Variants in GSX2 observed in about 807,000 individuals in gnomAD.
The protein encoded by GSX2 is GS homeobox 2, also known as genetic-screened homeobox 2.
Under a neutral mutation model 19.2 loss-of-function variants are expected in GSX2, and 16 were observed. That is an observed-to-expected ratio of 0.84 (90% CI 0.57 to 1.27). GSX2 has a LOEUF of 1.27. Ranked by LOEUF, GSX2 falls within the 50% of genes most tolerant of loss-of-function variation. The probability of loss-of-function intolerance (pLI) is 0.00; values close to 1 mark genes in which losing one functional copy is unlikely to be tolerated. For missense variants in GSX2, 448 were observed against 428.4 expected (o/e 1.05, Z -0.40); for synonymous variants, 217 against 196.4 (o/e 1.10, Z -0.88).
chr4:54,101,529 G>A lies in GSX2; in HGVS notation c.575-53G>A. On this transcript the variant is annotated intron_variant, in intron 1 of 1. Coordinates refer to ENST00000326902, the MANE Select transcript of GSX2 (RefSeq NM_133267.3). This position sits in a 1 kb window ranked among gnomAD's most constrained non-coding sequence, Gnocchi z 5.0. ...ATGCGTCCTGGTTAGCACATGGGGT[G>A]GGAGCACCTTGCCCGAGCCTTACCT... 1 of 1,261,304 alleles carries A rather than the reference G, an allele frequency of 7.9e-7. No homozygotes were observed. The highest frequency in any genetic ancestry group is 1.8e-5 in the Admixed American group (1 of 54,694). The allele number at this position is 1,261,304 out of a possible 1,614,324, so 78.1% of individuals were successfully genotyped here. A position where few individuals can be genotyped will look rare whatever the true frequency, so the allele number is the denominator to read the frequency against.
In GSX2 at chr4:54,102,168, T is replaced by C; in HGVS notation, c.*246T>C. ...AAATGTAAATAACCTATAATTCAACTCATTCTTGTCGTATAACAGAGGAAA... is the reference window on the plus strand; with the variant it reads ...AAATGTAAATAACCTATAATTCAACCCATTCTTGTCGTATAACAGAGGAAA... On this transcript the variant is annotated 3_prime_UTR_variant, in exon 2 of 2. Coordinates refer to ENST00000326902, the MANE Select transcript of GSX2 (RefSeq NM_133267.3). The C allele has an allele frequency of 2.0e-6, 1 of 499,376 alleles. No homozygotes were observed. The allele number at this position is 499,376 out of a possible 1,614,324, so 30.9% of individuals were successfully genotyped here.
rs762853621 is a variant in GSX2 at position 54,101,842 on chromosome 4, G to A, written c.835G>A (p.Val279Met). ...GGGCTGCAAGTGCGTCGGGAGCCAGGTGCACTACGCGCGCTCCGAGGATGA... is the reference window on the plus strand; with the variant it reads ...GGGCTGCAAGTGCGTCGGGAGCCAGATGCACTACGCGCGCTCCGAGGATGA... ...HAGCKCVGSQ[V>M]HYARSEDEDS... Residue 279 changes from valine to methionine, a missense_variant, in exon 2 of 2, where the codon GTG becomes ATG. Val to Met is a conservative substitution (Grantham distance 21). Transcript: ENST00000326902. This position sits in a 1 kb window ranked among gnomAD's most constrained non-coding sequence, Gnocchi z 5.0. The A allele has an allele frequency of 1.2e-6, 2 of 1,614,166 alleles. No individual in the cohort carries two copies. The highest frequency in any genetic ancestry group is 1.3e-5 in the African/African-American group (1 of 75,040).
At position 54,100,646 on chromosome 4, in the gene GSX2, C is replaced by A; in HGVS notation, c.302C>A (p.Ala101Glu). 4 of 1,548,104 alleles carry A rather than the reference C, an allele frequency of 2.6e-6. No individual in the cohort carries two copies. In the African/African-American group the frequency reaches 5.5e-5, roughly 21 times the overall value. Residue 101 changes from alanine to glutamate, a missense_variant, in exon 1 of 2, where the codon GCA (alanine) becomes GAA (glutamate). Ala to Glu is a moderately radical substitution (Grantham distance 107). Coordinates refer to ENST00000326902, the MANE Select transcript of GSX2 (RefSeq NM_133267.3). ...AGTGGGGTGGCAGGGGCCGCAGGGG[C>A]ACTGCCTCTGCTTAAGGGCCAGTTC... ...GGSGVAGAAG[A>E]LPLLKGQFSS...
At position 54,100,421 on chromosome 4, in the gene GSX2, AC is replaced by A; in HGVS notation, c.81del (p.Pro29ArgfsTer14). On this transcript the variant is annotated frameshift_variant, in exon 1 of 2. Coordinates refer to ENST00000326902, the MANE Select transcript of GSX2 (RefSeq NM_133267.3). LOFTEE classifies it high-confidence loss of function. ...SRPAPSLPEP[H>X]PGPDFFIPLG... ...CCTGCGCCCTCGCTGCCTGAACCGC[AC>A]CCCGGGCCGGATTTCTTCATCCCGC... 1 of 1,613,278 alleles carries A rather than the reference AC, an allele frequency of 6.2e-7. No individual in the cohort carries two copies. The highest frequency in any genetic ancestry group is 8.5e-7 in the Non-Finnish European group (1 of 1,179,806).
chr4:54,100,341 C>T lies in GSX2; in HGVS notation c.-4C>T, dbSNP rs1424110261. The T allele has an allele frequency of 6.2e-7, 1 of 1,612,924 alleles. No individual in the cohort carries two copies. The highest frequency in any genetic ancestry group is 1.3e-5 in the African/African-American group (1 of 75,056). Reference sequence around the variant, plus strand: ...GGGGCTTCCAGCCACCCACCCCTCTCGACATGTCGCGCTCCTTCTATGTCG... The same window carrying T: ...GGGGCTTCCAGCCACCCACCCCTCTTGACATGTCGCGCTCCTTCTATGTCG... On this transcript the variant is annotated 5_prime_UTR_variant, in exon 1 of 2. Coordinates refer to ENST00000326902, the MANE Select transcript of GSX2 (RefSeq NM_133267.3).
In GSX2 at chr4:54,101,652, G is replaced by A; in HGVS notation, c.645G>A (p.Leu215=). 1 of 1,614,138 alleles carries A rather than the reference G, an allele frequency of 6.2e-7. No individual in the cohort carries two copies. Among genetic ancestry groups the A allele is most frequent in the Non-Finnish European group, 8.5e-7 (1 of 1,179,984 alleles). The stretch of plus-strand genomic sequence containing the variant: ...CGGCGTTCACTAGCACGCAACTCCT[G>A]GAGCTGGAGAGAGAATTCTCTTCCA... ...MRTAFTSTQL[L]ELEREFSSNM... Residue 215 remains leucine (L), a synonymous_variant, in exon 2 of 2, where the codon CTG becomes CTA. Transcript: ENST00000326902. The surrounding 1 kb of genome is among the most constrained non-coding windows in gnomAD (Gnocchi z 5.0).
In GSX2 at chr4:54,101,066, G is replaced by T. The variant is rs1218303228; in HGVS notation, c.574+148G>T. On this transcript the variant is annotated intron_variant, in intron 1 of 1. Coordinates refer to ENST00000326902, the MANE Select transcript of GSX2 (RefSeq NM_133267.3). The surrounding 1 kb of genome is among the most constrained non-coding windows in gnomAD (Gnocchi z 5.0). Reference sequence around the variant, plus strand: ...TGTAACCGTAGAGTCAGCCACAGAAGTTCCACGAAAGTGGAAGTTAGTTTG... The same window carrying T: ...TGTAACCGTAGAGTCAGCCACAGAATTTCCACGAAAGTGGAAGTTAGTTTG... The T allele has an allele frequency of 4.2e-6, 3 of 717,976 alleles. No individual in the cohort carries two copies. The Admixed American group carries it at 1.1e-4, about 26-fold the overall frequency. The allele number at this position is 717,976 out of a possible 1,614,324, so 44.5% of individuals were successfully genotyped here.
Position 54,100,251 on chromosome 4 carries a change from C to A in GSX2, c.-94C>A, listed in dbSNP as rs1183431542. 1.9e-5 allele frequency: 29 copies of A among 1,542,354 alleles called. No individual in the cohort carries two copies. Among genetic ancestry groups the A allele is most frequent in the Non-Finnish European group, 2.4e-5 (27 of 1,148,172 alleles). Reference sequence around the variant, plus strand: ...CTGCGTCCCCAAGGGCTTGACTGCCCGTGTCTGCGCGGCTCCCAGGGCAGA... The same window carrying A: ...CTGCGTCCCCAAGGGCTTGACTGCCAGTGTCTGCGCGGCTCCCAGGGCAGA... On this transcript the variant is annotated 5_prime_UTR_variant, in exon 1 of 2. Transcript: ENST00000326902.
At position 54,102,210 on chromosome 4, in the gene GSX2, G is replaced by T; in HGVS notation, c.*288G>T. 1 of 374,144 alleles carries T rather than the reference G, an allele frequency of 2.7e-6. No homozygotes were observed. 23.2% of individuals were successfully genotyped at this position (374,144 alleles called of 1,614,324 possible). On this transcript the variant is annotated 3_prime_UTR_variant, in exon 2 of 2. Coordinates refer to ENST00000326902, the MANE Select transcript of GSX2 (RefSeq NM_133267.3). The stretch of plus-strand genomic sequence containing the variant: ...CAGAGGAAAAACAGGGTTGGTTTAA[G>T]TTTAACACTGTATGGGGTTTTTGAA...
At position 54,100,825 on chromosome 4, in the gene GSX2, G is replaced by A. The variant is rs1462626534; in HGVS notation, c.481G>A (p.Ala161Thr). 2 of 1,454,812 alleles carry A rather than the reference G, an allele frequency of 1.4e-6. No homozygotes were observed. The highest frequency in any genetic ancestry group is 1.5e-5 in the African/African-American group (1 of 66,524). 90.1% of individuals were successfully genotyped at this position (1,454,812 alleles called of 1,614,324 possible). The change falls in exon 1 of 2, where the codon GCG becomes ACG. Residue 161 changes from alanine (A) to threonine (T), a missense_variant. Physicochemically the swap from Ala to Thr is moderately conservative, Grantham distance 58. Coordinates refer to ENST00000326902, the MANE Select transcript of GSX2 (RefSeq NM_133267.3). ...AAAAAAAAAA[A>T]ALGHPQHHAP... ...AGCAGCAGCGGCGGCGGCGGCCGCG[G>A]CGGCCTTGGGGCACCCGCAGCACCA...
At position 54,100,375 on chromosome 4, in the gene GSX2, A is replaced by G. The variant is rs750584127; in HGVS notation, c.31A>G (p.Ile11Val). MSRSFYVDSL[I>V]IKDTSRPAPS... is the part of the protein sequence containing the mutation. Reference sequence around the variant, plus strand: ...GCGCTCCTTCTATGTCGACTCGCTCATCATCAAGGACACCTCACGGCCTGC... The same window carrying G: ...GCGCTCCTTCTATGTCGACTCGCTCGTCATCAAGGACACCTCACGGCCTGC... The change falls in exon 1 of 2, where the codon ATC becomes GTC. Residue 11 changes from isoleucine (I) to valine (V), a missense_variant. Coordinates refer to ENST00000326902, the MANE Select transcript of GSX2 (RefSeq NM_133267.3). 4 of 1,613,890 alleles carry G rather than the reference A, an allele frequency of 2.5e-6. No homozygotes were observed. Among genetic ancestry groups the G allele is most frequent in the Non-Finnish European group, 3.4e-6 (4 of 1,179,928 alleles).
chr4:54,101,228 G>C lies in GSX2; in HGVS notation c.574+310G>C, dbSNP rs933430418. Among the ~76,000 whole-genome samples, 1 of 152,284 alleles carries C rather than the reference G, an allele frequency of 6.6e-6. No individual in the cohort carries two copies. The highest frequency in any genetic ancestry group is 3.4e-3 in the Middle Eastern group (1 of 294). On this transcript the variant is annotated intron_variant, in intron 1 of 1. Transcript: ENST00000326902. This position sits in a 1 kb window ranked among gnomAD's most constrained non-coding sequence, Gnocchi z 5.0. ...AGGTTAACTGCTTGGGATTTGGGGT[G>C]GGTGTGTTTGAACCTGTGTGGCATC...
chr4:54,101,067 T>C lies in GSX2; in HGVS notation c.574+149T>C, dbSNP rs1718165046. The C allele has an allele frequency of 1.4e-6, 1 of 712,558 alleles. No individual in the cohort carries two copies. Among genetic ancestry groups the C allele is most frequent in the African/African-American group, 1.9e-5 (1 of 52,500 alleles). 44.1% of individuals were successfully genotyped at this position (712,558 alleles called of 1,614,324 possible). A position where few individuals can be genotyped will look rare whatever the true frequency, so the allele number is the denominator to read the frequency against. ...GTAACCGTAGAGTCAGCCACAGAAGTTCCACGAAAGTGGAAGTTAGTTTGC... is the reference window on the plus strand; with the variant it reads ...GTAACCGTAGAGTCAGCCACAGAAGCTCCACGAAAGTGGAAGTTAGTTTGC... On this transcript the variant is annotated intron_variant, in intron 1 of 1. Transcript: ENST00000326902. The surrounding 1 kb of genome is among the most constrained non-coding windows in gnomAD (Gnocchi z 5.0).
chr4:54,101,093 C>T lies in GSX2; in HGVS notation c.574+175C>T, dbSNP rs1718165539. On this transcript the variant is annotated intron_variant, in intron 1 of 1. Transcript: ENST00000326902. The surrounding 1 kb of genome is among the most constrained non-coding windows in gnomAD (Gnocchi z 5.0). ...TCCACGAAAGTGGAAGTTAGTTTGC[C>T]AGCTTCTCCACTCAGCCTGGTGCGT... 1.3e-5 allele frequency among the ~76,000 whole-genome samples: 2 copies of T among 152,220 alleles called. No individual in the cohort carries two copies. Among genetic ancestry groups the T allele is most frequent in the South Asian group, 4.1e-4 (2 of 4,828 alleles).
rs905126967 is a variant in GSX2, at chr4:54,100,187, C to G, written c.-158C>G. 6.4e-6 allele frequency: 7 copies of G among 1,098,186 alleles called. No homozygotes were observed. In the African/African-American group the frequency reaches 9.5e-5, roughly 15 times the overall value. 68.0% of individuals were successfully genotyped at this position (1,098,186 alleles called of 1,614,324 possible). On this transcript the variant is annotated 5_prime_UTR_variant, in exon 1 of 2. Transcript: ENST00000326902. ...CGGGGGACGTGAGGACCAGCCCTCT[C>G]CGGGGACCCCTTTGTTCCCAGCCCA...
At position 54,102,078 on chromosome 4, in the gene GSX2, C is replaced by CA. The variant is rs1718186823; in HGVS notation, c.*156_*157insA. On this transcript the variant is annotated 3_prime_UTR_variant, in exon 2 of 2. Transcript: ENST00000326902. The stretch of plus-strand genomic sequence containing the variant: ...TGGAATGGACAAGCCGGGACCTGAC[C>CA]CTTCGCGTCTCCTTCTTGACCTGTT... 5 of 632,916 alleles carry CA rather than the reference C, an allele frequency of 7.9e-6. No homozygotes were observed. In the South Asian group the frequency reaches 1.0e-4, roughly 13 times the overall value. 39.2% of individuals were successfully genotyped at this position (632,916 alleles called of 1,614,324 possible). A position where few individuals can be genotyped will look rare whatever the true frequency, so the allele number is the denominator to read the frequency against.
chr4:54,100,243 T>A lies in GSX2; in HGVS notation c.-102T>A. 6.6e-7 allele frequency: 1 copy of A among 1,524,916 alleles called. No individual in the cohort carries two copies. Among genetic ancestry groups the A allele is most frequent in the South Asian group, 1.2e-5 (1 of 83,702 alleles). The allele number at this position is 1,524,916 out of a possible 1,614,324, so 94.5% of individuals were successfully genotyped here. ...CAACACCTCTGCGTCCCCAAGGGCTTGACTGCCCGTGTCTGCGCGGCTCCC... is the reference window on the plus strand; with the variant it reads ...CAACACCTCTGCGTCCCCAAGGGCTAGACTGCCCGTGTCTGCGCGGCTCCC... On this transcript the variant is annotated 5_prime_UTR_variant, in exon 1 of 2. Transcript: ENST00000326902.
rs1718180846 is a variant in GSX2, at chr4:54,101,827, T to A, written c.820T>A (p.Cys274Ser). ...GAGGAACAGTCACGCGGGCTGCAAGTGCGTCGGGAGCCAGGTGCACTACGC... is the reference window on the plus strand; with the variant it reads ...GAGGAACAGTCACGCGGGCTGCAAGAGCGTCGGGAGCCAGGTGCACTACGC... ...TQRNSHAGCK[C>S]VGSQVHYARS... The change falls in exon 2 of 2, where the codon TGC becomes AGC. Residue 274 changes from cysteine to serine, a missense_variant. By Grantham distance (112) the Cys-to-Ser change is moderately radical (BLOSUM62 -1). Transcript: ENST00000326902. The surrounding 1 kb of genome is among the most constrained non-coding windows in gnomAD (Gnocchi z 5.0). The A allele has an allele frequency of 6.2e-7, 1 of 1,614,048 alleles. No homozygotes were observed. The highest frequency in any genetic ancestry group is 8.5e-7 in the Non-Finnish European group (1 of 1,180,044).
Position 54,100,601 on chromosome 4 carries a change from G to T in GSX2, c.257G>T (p.Gly86Val), listed in dbSNP as rs781120072. ...GCCGGCAGCGGGGGCGCAGGGGCCG[G>T]GGTTACCGGGGCCGGAGGCAGTGGG... ...VGAGSGGAGA[G>V]VTGAGGSGVA... is the part of the protein sequence containing the mutation. Residue 86 changes from glycine to valine, a missense_variant, in exon 1 of 2, where the codon GGG (glycine) becomes GTG (valine). Physicochemically the swap from Gly to Val is moderately radical, Grantham distance 109. Transcript: ENST00000326902. 6 of 1,561,154 alleles carry T rather than the reference G, an allele frequency of 3.8e-6. No individual in the cohort carries two copies. Among genetic ancestry groups the T allele is most frequent in the Non-Finnish European group, 5.2e-6 (6 of 1,153,878 alleles).
Sources: allele counts gnomAD v4.1 joint callset (sites outside exome capture counted in the v4.1 genomes callset), GRCh38; gene constraint gnomAD v4.1.1; non-coding constraint Gnocchi (gnomAD v3.1); transcripts MANE v1.5; gene names NCBI Gene and HGNC (gene_info 2026-07-23, HGNC 2026-07-21).